KLHL8: variants seen among roughly 807,000 people sequenced by gnomAD.
KLHL8 encodes kelch like family member 8.
In KLHL8, 38 loss-of-function variants were observed where a neutral mutation model predicts 63.5. That is an observed-to-expected ratio of 0.60 (90% CI 0.46 to 0.78). KLHL8 has a LOEUF of 0.78. Among genes scored for constraint, KLHL8 ranks in the 30% least tolerant of loss-of-function variants. KLHL8 has a pLI of 0.00. For missense variants in KLHL8, 566 were observed against 752.4 expected, an observed-to-expected ratio of 0.75 and a Z score of 2.90; for synonymous variants, 224 against 254.3, an observed-to-expected ratio of 0.88 and a Z score of 1.13.
chr4:87,232,200 A>G (rs908977701), intron 1 of KLHL8, among the ~76,000 whole-genome samples: 2 of 151,990 alleles, frequency 1.3e-5, no homozygotes, highest in Non-Finnish European at 2.9e-5. Flanking sequence ...TGTGATATTT[A>G]TTTTTCTCAT....
intron 4 of KLHL8, among the ~76,000 whole-genome samples, chr4:87,181,787 T>C (rs1457192169): frequency 3.3e-5 from 5 of 152,184 alleles, no homozygotes; most frequent in Non-Finnish European, 5.9e-5. Flanking sequence ...CCTTCAGTCA[T>C]GTAGATCATT....
intron 4 of KLHL8, among the ~76,000 whole-genome samples, chr4:87,178,933 C>A (rs775968141): frequency 1.1e-4 from 16 of 152,102 alleles, no homozygotes; most frequent in Non-Finnish European, 1.6e-4. Context: ...AACACAATTG[C>A]AACATTTGAT....
intron 2 of KLHL8, among the ~76,000 whole-genome samples, chr4:87,190,741 T>C (rs983527158): frequency 6.6e-6 from 1 of 152,202 alleles, no homozygotes; most frequent in Admixed American, 6.5e-5. Context: ...TTTCTCATAG[T>C]TCTTGAGACT....
At chr4:87,178,351 C>G (rs1382472454) in intron 5 of KLHL8, 126 bp downstream of exon 5, 1 of 1,021,404 alleles carries the variant, frequency 9.8e-7, no homozygotes, top group Non-Finnish European at 1.4e-6. Context: ...TATCACTAAC[C>G]AAGCATTTTA....
intron 1 of KLHL8, among the ~76,000 whole-genome samples, chr4:87,209,400 T>C (rs545136971): frequency 1.8e-4 from 27 of 152,304 alleles, no homozygotes; most frequent in African/African-American, 6.3e-4. Flanking sequence ...CTGATTCCTT[T>C]TTTTTTGCTC....
At chr4:87,237,279 T>C (rs1733249755) in intron 1 of KLHL8, among the ~76,000 whole-genome samples, 1 of 152,212 alleles carries the variant, frequency 6.6e-6, no homozygotes, top group South Asian at 2.1e-4. Context: ...TAAGGACACA[T>C]ACTTTTCTAG....
At chr4:87,235,077 G>T (rs1733203348) in intron 1 of KLHL8, among the ~76,000 whole-genome samples, 5 of 152,062 alleles carry the variant, frequency 3.3e-5, no homozygotes, top group Non-Finnish European at 5.9e-5. Context: ...ACCAGAGAAA[G>T]AATAAATATT....
intron 1 of KLHL8, chr4:87,206,984 G>GT (rs1231659150): frequency 3.3e-6 from 1 of 303,904 alleles, no homozygotes; most frequent in African/African-American, 2.2e-5. Flanking sequence ...TATGGGTTGG[G>GT]TTTTTTCCCC....
chr4:87,217,184 T>C (rs1732627396), intron 1 of KLHL8, among the ~76,000 whole-genome samples: 1 of 152,164 alleles, frequency 6.6e-6, no homozygotes, highest in South Asian at 2.1e-4. Flanking sequence ...AAAAATTAAT[T>C]TATTTAAAAT....
intron 1 of KLHL8, among the ~76,000 whole-genome samples, chr4:87,213,812 T>C (rs2110049224): frequency 6.6e-6 from 1 of 152,330 alleles, no homozygotes; most frequent in East Asian, 1.9e-4. Flanking sequence ...GTTGCCTTGC[T>C]TTTGAGAGAT....
At chr4:87,190,784 A>G (rs534278785) in intron 2 of KLHL8, among the ~76,000 whole-genome samples, 2 of 152,322 alleles carry the variant, frequency 1.3e-5, no homozygotes, top group Admixed American at 6.5e-5. Flanking sequence ...TGGCAAATCC[A>G]TGTCTGGTAA....
intron 1 of KLHL8, among the ~76,000 whole-genome samples, chr4:87,229,498 G>T (rs908541258): frequency 6.7e-6 from 1 of 148,968 alleles, no homozygotes; most frequent in Non-Finnish European, 1.5e-5. Flanking sequence ...ACAGTGGTGC[G>T]ATCTTGGCTC....
At chr4:87,234,111 A>G (rs1254863944) in intron 1 of KLHL8, among the ~76,000 whole-genome samples, 1 of 152,186 alleles carries the variant, frequency 6.6e-6, no homozygotes, top group African/African-American at 2.4e-5. Flanking sequence ...GTTTTGGTCA[A>G]CAAAGGACTG....
intron 1 of KLHL8, among the ~76,000 whole-genome samples, chr4:87,205,746 G>A (rs1732102034): frequency 6.6e-6 from 1 of 152,106 alleles, no homozygotes; most frequent in Non-Finnish European, 1.5e-5. Flanking sequence ...CTACAGGCCT[G>A]AGCCACTGCA....
Position 87,163,179 on chromosome 4 carries a change from T to G in KLHL8, c.*340A>C, listed in dbSNP as rs1730243319. 1 of 179,488 alleles carries G rather than the reference T, an allele frequency of 5.6e-6. No homozygotes were observed. The highest frequency in any genetic ancestry group is 1.2e-5 in the Non-Finnish European group (1 of 86,020). 11.1% of individuals were successfully genotyped at this position (179,488 alleles called of 1,614,324 possible). A position where few individuals can be genotyped will look rare whatever the true frequency, so the allele number is the denominator to read the frequency against. On this transcript the variant is annotated 3_prime_UTR_variant, in exon 10 of 10. Transcript: ENST00000273963. ...CTTTAGGCAAAAGAAAAGGCAAAAC[T>G]CAACAAATTACATTTTGATTCATCC... is the stretch of plus-strand genomic sequence containing the variant.
At chr4:87,165,650 G>A (rs1186793420) in intron 8 of KLHL8, among the ~76,000 whole-genome samples, 1 of 151,828 alleles carries the variant, frequency 6.6e-6, no homozygotes, top group Non-Finnish European at 1.5e-5. Context: ...TCCTGCCTCA[G>A]CCTCCCAAAG....
At chr4:87,220,623 G>T (rs1171529265), upstream of KLHL8, 1 of 152,026 alleles carries the variant, frequency 6.6e-6, no homozygotes, top group Admixed American at 6.5e-5. Context: ...GCCTCTGGGG[G>T]CGGGGCGGGC....
chr4:87,171,748 C>T (rs141632119), intron 6 of KLHL8, among the ~76,000 whole-genome samples: 72 of 152,276 alleles, frequency 4.7e-4, no homozygotes, highest in African/African-American at 1.7e-3. Flanking sequence ...TAGTCCACTC[C>T]TACGTCTCTG....
chr4:87,226,592 TAA>T, intron 1 of KLHL8, among the ~76,000 whole-genome samples: 1 of 96,638 alleles, frequency 1.0e-5, no homozygotes, highest in Non-Finnish European at 1.9e-5. Flanking sequence ...TCTATATATA[TAA>T]ATAATATATA....
Sources: allele counts gnomAD v4.1 joint callset (sites outside exome capture counted in the v4.1 genomes callset), GRCh38; gene constraint gnomAD v4.1.1; transcripts MANE v1.5; gene names NCBI Gene and HGNC (gene_info 2026-07-23, HGNC 2026-07-21).